C12orf56: variants seen among roughly 807,000 people sequenced by gnomAD.
C12orf56 encodes the protein uncharacterized protein C12orf56.
Under a neutral mutation model 69.9 loss-of-function variants are expected in C12orf56, and 71 were observed. The observed-to-expected ratio is 1.02, with a 90% CI of 0.84 to 1.24. The LOEUF is 1.24. C12orf56 is among the 50% of genes most tolerant of loss of function. The pLI, the probability that C12orf56 is intolerant of heterozygous loss-of-function variation, is 0.00. For synonymous variants in C12orf56, 276 were observed against 274.1 expected (o/e 1.01, Z -0.07); for missense variants, 732 against 738.5 (o/e 0.99, Z 0.10).
Position 64,380,129 on chromosome 12 carries a change from AAAAAACAAAACAAAC to A in C12orf56, c.252+10170_252+10184del, listed in dbSNP as rs1565783113. Among the ~76,000 whole-genome samples the A allele has an allele frequency of 1.3e-3, 65 of 49,348 alleles. 2 individuals are homozygous for A. Among genetic ancestry groups the A allele is most frequent in the African/African-American group, 1.9e-3 (36 of 18,660 alleles). 32.4% of individuals were successfully genotyped at this position (49,348 alleles called of 152,430 possible). On this transcript the variant is annotated intron_variant, in intron 1 of 12. Transcript: ENST00000543942. ...CAAAAAAAAAAAAAAAAAAAAAAAA[AAAAAACAAAACAAAC>A]AAAAAAAAACGCACAATGCAGCTAA...
At position 64,368,213 on chromosome 12, in the gene C12orf56, C is replaced by T. The variant is rs575449841; in HGVS notation, c.253-15157G>A. Among the ~76,000 whole-genome samples the T allele has an allele frequency of 2.6e-5, 4 of 152,200 alleles. No individual in the cohort carries two copies. The South Asian group carries it at 8.3e-4, about 32-fold the overall frequency. On this transcript the variant is annotated intron_variant, in intron 1 of 12. Transcript: ENST00000543942. ...AACCTGCTTGGCTCAAGTAATACTC[C>T]CACCTCAGCATCCCAAAGTGCTGCA...
chr12:64,343,660 TC>T (rs1218256131), intron 2 of C12orf56, among the ~76,000 whole-genome samples: 8 of 152,210 alleles, frequency 5.3e-5, no homozygotes, highest in African/African-American at 1.7e-4. Context: ...ACTGTCATTC[TC>T]CAAGATCCAT....
At chr12:64,380,802 G>A (rs971660361) in intron 1 of C12orf56, among the ~76,000 whole-genome samples, 2 of 152,202 alleles carry the variant, frequency 1.3e-5, no homozygotes, top group East Asian at 1.9e-4. Context: ...ACGTGGGGAA[G>A]AGTGGTAGGA....
intron 2 of C12orf56, 54 bp downstream of exon 2, chr12:64,352,840 A>T (rs2039248112): frequency 6.9e-7 from 1 of 1,440,498 alleles, no homozygotes; most frequent in African/African-American, 1.5e-5. Flanking sequence ...TAAGAAATAT[A>T]TATATATACT....
At position 64,347,167 on chromosome 12, in the gene C12orf56, G is replaced by A. The variant is rs144589389; in HGVS notation, c.415+5727C>T. On this transcript the variant is annotated intron_variant, in intron 2 of 12. Coordinates refer to ENST00000543942, the MANE Select transcript of C12orf56 (RefSeq NM_001170633.2). ...ATTTTTTTGTATTTGTAGTAGAGAC[G>A]GGGTTTTACCATGTTGGCCAGTCTG... Among the ~76,000 whole-genome samples the A allele has an allele frequency of 3.8e-4, 58 of 151,930 alleles. No individual in the cohort carries two copies. In the East Asian group the frequency reaches 0.01, roughly 26 times the overall value.
intron 1 of C12orf56, among the ~76,000 whole-genome samples, chr12:64,386,782 G>A (rs2039796686): frequency 6.6e-6 from 1 of 151,654 alleles, no homozygotes; most frequent in Non-Finnish European, 1.5e-5. Flanking sequence ...CTGCCCGCCT[G>A]GGCCTCTCAA....
In C12orf56 at chr12:64,286,464, G is replaced by A. The variant is rs74098002; in HGVS notation, c.1114-404C>T. Among the ~76,000 whole-genome samples, 377 of 152,324 alleles carry A rather than the reference G, an allele frequency of 2.5e-3. 3 individuals are homozygous for A. Among genetic ancestry groups the A allele is most frequent in the African/African-American group, 8.6e-3 (358 of 41,570 alleles). ...ATGAATAATGAATAAGCAAGTTCTC[G>A]TTTTAAAATGTTTACTAACTCAAAA... is the stretch of plus-strand genomic sequence containing the variant. On this transcript the variant is annotated intron_variant, in intron 6 of 12. Coordinates refer to ENST00000543942, the MANE Select transcript of C12orf56 (RefSeq NM_001170633.2).
chr12:64,389,349 C>T (rs1457480023), intron 1 of C12orf56: 1 of 152,330 alleles, frequency 6.6e-6, no homozygotes, highest in Non-Finnish European at 1.5e-5. Context: ...TCAAGCCCAG[C>T]TCCTAGCGTC....
intron 2 of C12orf56, among the ~76,000 whole-genome samples, chr12:64,346,639 G>C (rs2039146764): frequency 6.6e-6 from 1 of 152,180 alleles, no homozygotes; most frequent in South Asian, 2.1e-4. Flanking sequence ...GGAGGTTAGA[G>C]ATGTGGGTGG....
intron 8 of C12orf56, 66 bp from the exon 9 acceptor site, chr12:64,277,869 G>A (rs1391186116): frequency 8.0e-7 from 1 of 1,252,414 alleles, no homozygotes; most frequent in Non-Finnish European, 1.1e-6. Flanking sequence ...GTGAAGCCAA[G>A]TTTCAAACAC....
intron 2 of C12orf56, among the ~76,000 whole-genome samples, chr12:64,335,223 C>G (rs932264837): frequency 2.0e-5 from 3 of 151,996 alleles, no homozygotes; most frequent in Admixed American, 1.3e-4. Flanking sequence ...TCGTGACCAG[C>G]CTGGCCAACA....
At chr12:64,351,762 G>A (rs988203366) in intron 2 of C12orf56, among the ~76,000 whole-genome samples, 1 of 151,718 alleles carries the variant, frequency 6.6e-6, no homozygotes, top group African/African-American at 2.4e-5. Flanking sequence ...GAAGAGATGG[G>A]AATGTGGGAT....
chr12:64,370,421 C>G (rs1403744375), intron 1 of C12orf56, among the ~76,000 whole-genome samples: 1 of 151,780 alleles, frequency 6.6e-6, no homozygotes, highest in Non-Finnish European at 1.5e-5. Flanking sequence ...GAGGCCGAGG[C>G]AGGAGGATCA....
chr12:64,277,589 T>C (rs2038067481), intron 9 of C12orf56, 91 bp downstream of exon 9: 4 of 843,348 alleles, frequency 4.7e-6, no homozygotes, highest in Non-Finnish European at 6.2e-6. Context: ...TATGTTTCTC[T>C]ATTCTACGGT....
intron 5 of C12orf56, among the ~76,000 whole-genome samples, chr12:64,310,009 CT>C (rs77746502): frequency 0.28 from 41,297 of 149,170 alleles, 6,020 homozygotes; most frequent in East Asian, 0.5. Context: ...TCCACTTCAC[CT>C]TTTTTTTTTA....
intron 2 of C12orf56, among the ~76,000 whole-genome samples, chr12:64,346,280 G>C (rs1429659507): frequency 6.6e-6 from 1 of 152,280 alleles, no homozygotes; most frequent in East Asian, 1.9e-4. Context: ...CAGCACAGGA[G>C]AAAGATGTAG....
Position 64,266,636 on chromosome 12 carries a change from G to T in C12orf56, c.*547C>A. The T allele has an allele frequency of 1.2e-6, 1 of 855,208 alleles. No homozygotes were observed. 53.0% of individuals were successfully genotyped at this position (855,208 alleles called of 1,614,324 possible). ...TTGGATGGCTCTGAGTACAGAATCG[G>T]GTGAAGAGCATGCTCCTGTGCCTGG... On this transcript the variant is annotated 3_prime_UTR_variant, in exon 13 of 13. Coordinates refer to ENST00000543942, the MANE Select transcript of C12orf56 (RefSeq NM_001170633.2).
rs2037913824 is a variant in C12orf56, at chr12:64,265,622, G to C, written c.*1561C>G. On this transcript the variant is annotated 3_prime_UTR_variant, in exon 13 of 13. Transcript: ENST00000543942. The stretch of plus-strand genomic sequence containing the variant: ...CTGACTTGCTTGAAGTCAAATAGCT[G>C]GTCATTTGGCTCTGTCAGAACCTGG... The C allele has an allele frequency of 6.6e-6, 1 of 152,118 alleles. No individual in the cohort carries two copies. Among genetic ancestry groups the C allele is most frequent in the African/African-American group, 2.4e-5 (1 of 41,422 alleles). The allele number at this position is 152,118 out of a possible 1,614,324, so 9.4% of individuals were successfully genotyped here. A position where few individuals can be genotyped will look rare whatever the true frequency, so the allele number is the denominator to read the frequency against.
At chr12:64,329,285 C>T (rs1045364309) in intron 3 of C12orf56, among the ~76,000 whole-genome samples, 10 of 151,992 alleles carry the variant, frequency 6.6e-5, no homozygotes, top group African/African-American at 1.9e-4. Context: ...CTGGAAACCA[C>T]GTAGTTTCTC....
Sources: gnomAD v4.1 joint callset for allele counts (sites outside exome capture counted in the v4.1 genomes callset) on GRCh38, gnomAD v4.1.1 for gene constraint, MANE v1.5 for transcripts, NCBI Gene and HGNC (gene_info 2026-07-23, HGNC 2026-07-21) for gene names.